The following HMBOX1 variants were observed in gnomAD, a reference collection of about 807,000 sequenced individuals.
HMBOX1 encodes the protein homeobox-containing protein 1.
In HMBOX1, 14 loss-of-function variants were observed where a neutral mutation model predicts 54.5. That is an observed-to-expected ratio of 0.26 (90% CI 0.17 to 0.40). The LOEUF (loss-of-function observed/expected upper bound fraction) is 0.40. Among genes scored for constraint, HMBOX1 ranks in the 10% least tolerant of loss-of-function variants. The pLI is 1.00. For synonymous variants in HMBOX1, 160 were observed against 181.0 expected, an observed-to-expected ratio of 0.88 and a Z score of 0.93; for missense variants, 332 against 514.4, an observed-to-expected ratio of 0.65 and a Z score of 3.43.
chr8:28,964,874 T>TA (rs1182538758), intron 2 of HMBOX1, among the ~76,000 whole-genome samples: 3 of 152,172 alleles, frequency 2.0e-5, no homozygotes, highest in Non-Finnish European at 4.4e-5. Flanking sequence ...CCCCACTTTT[T>TA]AAAAAAATTT....
At chr8:28,962,470 C>G (rs1825770976) in intron 1 of HMBOX1, among the ~76,000 whole-genome samples, 1 of 150,120 alleles carries the variant, frequency 6.7e-6, no homozygotes, top group South Asian at 2.1e-4. Flanking sequence ...ACATGCTAAA[C>G]ATGCTACATG....
At chr8:28,917,757 T>G (rs1289543612) in intron 1 of HMBOX1, among the ~76,000 whole-genome samples, 1 of 152,196 alleles carries the variant, frequency 6.6e-6, no homozygotes, top group Non-Finnish European at 1.5e-5. Context: ...AATAAGATAT[T>G]ATATTAACTT....
chr8:28,896,384 GT>G (rs1299045876), intron 1 of HMBOX1, among the ~76,000 whole-genome samples: 4 of 131,940 alleles, frequency 3.0e-5, no homozygotes, highest in African/African-American at 1.0e-4. Context: ...TATCACAGGT[GT>G]GTAGATTGCA....
chr8:28,981,194 C>G (rs1486793974), intron 4 of HMBOX1, among the ~76,000 whole-genome samples: 2 of 152,114 alleles, frequency 1.3e-5, no homozygotes, highest in Non-Finnish European at 2.9e-5. Flanking sequence ...TCCCAAGTAT[C>G]TAAGGTCAGC....
intron 5 of HMBOX1, among the ~76,000 whole-genome samples, 154 bp from the exon 6 acceptor site, chr8:29,018,606 G>C (rs1191591519): frequency 6.6e-6 from 1 of 152,146 alleles, no homozygotes. Flanking sequence ...TAACTATCAA[G>C]CAGGAATTTC....
Position 29,051,615 on chromosome 8 carries a change from ACAGAGT to A in HMBOX1, c.*463_*468del. On this transcript the variant is annotated 3_prime_UTR_variant, in exon 10 of 10. Transcript: ENST00000287701. The stretch of plus-strand genomic sequence containing the variant: ...GACAGACACCATTTGGGGAGTATCC[ACAGAGT>A]CAAAGGAACACTAGAATCCCCACCT... 1.4e-6 allele frequency: 1 copy of A among 702,978 alleles called. No individual in the cohort carries two copies. The highest frequency in any genetic ancestry group is 2.3e-4 in the Middle Eastern group (1 of 4,370). 43.5% of individuals were successfully genotyped at this position (702,978 alleles called of 1,614,324 possible). A position where few individuals can be genotyped will look rare whatever the true frequency, so the allele number is the denominator to read the frequency against.
rs538137398 is a variant in HMBOX1, at chr8:28,920,192, T to G, written c.-58+29514T>G. 7.2e-5 allele frequency among the ~76,000 whole-genome samples: 11 copies of G among 152,302 alleles called. No homozygotes were observed. In the South Asian group the frequency reaches 2.3e-3, roughly 32 times the overall value. On this transcript the variant is annotated intron_variant, in intron 1 of 9. Coordinates refer to ENST00000287701, the MANE Select transcript of HMBOX1 (RefSeq NM_001135726.3). ...TTATTTATATTCGTTGTTTCTTAGC[T>G]CCAGATACCATTTACTAACTTGTGC...
At chr8:29,021,078 CATG>C (rs1801072699) in intron 6 of HMBOX1, among the ~76,000 whole-genome samples, 1 of 152,078 alleles carries the variant, frequency 6.6e-6, no homozygotes, top group African/African-American at 2.4e-5. Flanking sequence ...AGGAGGCTGA[CATG>C]AGAGGATTGC....
At chr8:29,030,303 C>T (rs535555682) in intron 6 of HMBOX1, among the ~76,000 whole-genome samples, 2 of 151,846 alleles carry the variant, frequency 1.3e-5, no homozygotes, top group Non-Finnish European at 2.9e-5. Context: ...CTGCAACATC[C>T]GCCTCCCAGG....
intron 1 of HMBOX1, among the ~76,000 whole-genome samples, chr8:28,961,340 C>T (rs575478686): frequency 6.6e-6 from 1 of 152,238 alleles, no homozygotes; most frequent in East Asian, 1.9e-4. Flanking sequence ...CAGATTGAAA[C>T]TCTGTACCCT....
chr8:28,962,669 C>T (rs775724090), intron 1 of HMBOX1, among the ~76,000 whole-genome samples: 9 of 152,196 alleles, frequency 5.9e-5, no homozygotes, highest in Non-Finnish European at 1.0e-4. Flanking sequence ...TCACCTCCCT[C>T]TACACCTTGA....
At chr8:28,986,864 T>C (rs532620782) in intron 4 of HMBOX1, among the ~76,000 whole-genome samples, 31 of 152,256 alleles carry the variant, frequency 2.0e-4, no homozygotes, top group Admixed American at 1.6e-3. Context: ...TACTTTTTTT[T>C]CCCCTCAGGA....
chr8:28,970,496 T>G lies in HMBOX1; in HGVS notation c.477T>G (p.Asp159Glu), dbSNP rs751403049. 6.3e-7 allele frequency: 1 copy of G among 1,599,626 alleles called. No homozygotes were observed. Among genetic ancestry groups the G allele is most frequent in the South Asian group, 1.1e-5 (1 of 89,542 alleles). ...FEASEEDLDVDDKVEELMRRD... is the reference protein window; with the variant it reads ...FEASEEDLDVEDKVEELMRRD... ...CCTCAGAAGAGGACCTAGATGTAGA[T>G]GATAAAGTGGAAGAATTAATGAGGT... The change falls in exon 3 of 10, where the codon GAT becomes GAG. Residue 159 changes from aspartate (D) to glutamate (E), a missense_variant. Physicochemically the swap from Asp to Glu is conservative, Grantham distance 45. Coordinates refer to ENST00000287701, the MANE Select transcript of HMBOX1 (RefSeq NM_001135726.3). The surrounding 1 kb of genome is among the most constrained non-coding windows in gnomAD (Gnocchi z 4.3).
At chr8:29,040,130 C>T (rs1804605208) in intron 6 of HMBOX1, among the ~76,000 whole-genome samples, 1 of 152,214 alleles carries the variant, frequency 6.6e-6, no homozygotes, top group African/African-American at 2.4e-5. Context: ...AGATATCACT[C>T]TTTTCTGAAT....
chr8:28,907,070 T>G (rs1814484912), intron 1 of HMBOX1, among the ~76,000 whole-genome samples: 1 of 152,202 alleles, frequency 6.6e-6, no homozygotes, highest in Admixed American at 6.5e-5. Context: ...ATGGCAGGAA[T>G]TAATTTCTTT....
In HMBOX1 at chr8:28,986,472, C is replaced by G. The variant is rs553993536; in HGVS notation, c.586+6316C>G. The stretch of plus-strand genomic sequence containing the variant: ...AATACAACCAGAAATAATTATCTTG[C>G]TTATTTAACAAGATTTTATGAATTC... On this transcript the variant is annotated intron_variant, in intron 4 of 9. Coordinates refer to ENST00000287701, the MANE Select transcript of HMBOX1 (RefSeq NM_001135726.3). Among the ~76,000 whole-genome samples, 121 of 152,270 alleles carry G rather than the reference C, an allele frequency of 7.9e-4. 1 individual carries two copies. Among genetic ancestry groups the G allele is most frequent in the African/African-American group, 2.9e-3 (121 of 41,558 alleles).
intron 6 of HMBOX1, among the ~76,000 whole-genome samples, chr8:29,040,885 C>T (rs1804710601): frequency 6.6e-6 from 1 of 152,024 alleles, no homozygotes; most frequent in African/African-American, 2.4e-5. Context: ...CTTTTTAACT[C>T]AGTACAAAAA....
At chr8:28,982,959 T>C (rs1829631522) in intron 4 of HMBOX1, among the ~76,000 whole-genome samples, 1 of 152,138 alleles carries the variant, frequency 6.6e-6, no homozygotes, top group Non-Finnish European at 1.5e-5. Flanking sequence ...GGTTTCACCA[T>C]GTTGCTCAGG....
intron 6 of HMBOX1, among the ~76,000 whole-genome samples, chr8:29,037,531 G>A (rs575790529): frequency 2.8e-4 from 43 of 152,100 alleles, no homozygotes; most frequent in Non-Finnish European, 5.4e-4. Context: ...GATAGTAATT[G>A]TTAACATTTG....
Sources: gnomAD v4.1 joint callset for allele counts (sites outside exome capture counted in the v4.1 genomes callset) on GRCh38, gnomAD v4.1.1 for gene constraint, Gnocchi (gnomAD v3.1) non-coding constraint, MANE v1.5 for transcripts, NCBI Gene and HGNC (gene_info 2026-07-23, HGNC 2026-07-21) for gene names.